The following MMP26 variants were observed in gnomAD, a reference collection of about 807,000 sequenced individuals.
MMP26 encodes the protein matrix metallopeptidase 26.
In MMP26, 33 loss-of-function variants were observed where a neutral mutation model predicts 31.0. That is an observed-to-expected ratio of 1.06 (90% CI 0.81 to 1.42). The LOEUF is 1.42. MMP26 is among the 40% of genes most tolerant of loss of function. The probability of loss-of-function intolerance (pLI) is 0.00; values close to 1 mark genes in which losing one functional copy is unlikely to be tolerated. For synonymous variants in MMP26, 122 were observed against 114.9 expected, an observed-to-expected ratio of 1.06 and a Z score of -0.40; for missense variants, 347 against 316.1, an observed-to-expected ratio of 1.10 and a Z score of -0.74.
chr11:4,814,602 TCAAA>T (rs1355637718), intron 2 of MMP26, among the ~76,000 whole-genome samples: 1 of 152,180 alleles, frequency 6.6e-6, no homozygotes, highest in African/African-American at 2.4e-5. Context: ...GGTGAGATTT[TCAAA>T]CAGTTTCTAC....
intron 2 of MMP26, chr11:4,795,104 G>A (rs928004364): frequency 1.3e-5 from 2 of 152,202 alleles, no homozygotes; most frequent in African/African-American, 4.8e-5. Context: ...TTATGTGTAA[G>A]ACCACCTCAC....
chr11:4,875,589 A>G (rs562167386), intron 2 of MMP26: 2 of 152,154 alleles, frequency 1.3e-5, no homozygotes, highest in South Asian at 2.1e-4. Flanking sequence ...TTCAATGTCA[A>G]TAATTCATGT....
At chr11:4,730,404 A>AAGAGAGAGAGAGAGAGAGAGAGAG (rs59289871) in intron 1 of MMP26, among the ~76,000 whole-genome samples, 228 of 145,010 alleles carry the variant, frequency 1.6e-3, no homozygotes, top group Middle Eastern at 7.0e-3. Flanking sequence ...GTTTCTGGGA[A>AAGAGAGAGAGAGAGAGAGAGAGAG]AGAGAGAGAG....
intron 2 of MMP26, among the ~76,000 whole-genome samples, chr11:4,895,692 G>T (rs1850689698): frequency 1.3e-5 from 2 of 152,214 alleles, no homozygotes; most frequent in South Asian, 4.1e-4. Flanking sequence ...GGTAGCACAA[G>T]GTGGGAGGAT....
intron 2 of MMP26, among the ~76,000 whole-genome samples, chr11:4,896,951 GTC>G: frequency 6.6e-6 from 1 of 152,162 alleles, no homozygotes; most frequent in East Asian, 1.9e-4. Flanking sequence ...ATTGCAAAAT[GTC>G]TCTTTTTCCC....
intron 2 of MMP26, among the ~76,000 whole-genome samples, chr11:4,831,763 A>G (rs888638388): frequency 6.6e-6 from 1 of 152,220 alleles, no homozygotes; most frequent in South Asian, 2.1e-4. Context: ...GCGTGATAGT[A>G]GATTATAACA....
intron 1 of MMP26, chr11:4,711,987 G>T (rs942292190): frequency 2.6e-5 from 4 of 151,806 alleles, no homozygotes; most frequent in East Asian, 3.9e-4. Flanking sequence ...ATAAATCTTT[G>T]TCTTACAGGG....
At chr11:4,830,045 A>T (rs7934231) in intron 2 of MMP26, 14,385 of 152,196 alleles carry the variant, frequency 0.095, 1,126 homozygotes, top group African/African-American at 0.21. Context: ...AAGCAAAATT[A>T]AAACAAAAGT....
intron 2 of MMP26, among the ~76,000 whole-genome samples, chr11:4,895,581 C>A (rs550259427): frequency 2.0e-5 from 3 of 152,260 alleles, no homozygotes; most frequent in African/African-American, 7.2e-5. Context: ...CTGAGATGAA[C>A]AATAGATAGG....
chr11:4,920,969 C>T (rs914676246), intron 2 of MMP26, among the ~76,000 whole-genome samples: 2 of 152,214 alleles, frequency 1.3e-5, no homozygotes, highest in East Asian at 1.9e-4. Context: ...ACTATATGAA[C>T]AAGTGAATAT....
Position 4,845,444 on chromosome 11 carries a change from C to A in MMP26, c.-145+78103C>A, listed in dbSNP as rs530354571. ...TGGAACCATAAAATAACCAGAATAG[C>A]CAAATTATTTAAGTGAAAACTACTA... On this transcript the variant is annotated intron_variant, in intron 2 of 7. Transcript: ENST00000380390. 3.9e-5 allele frequency among the ~76,000 whole-genome samples: 6 copies of A among 152,012 alleles called. No homozygotes were observed. The East Asian group carries it at 9.7e-4, about 24-fold the overall frequency.
chr11:4,767,566 G>T (rs1317964554), intron 2 of MMP26, among the ~76,000 whole-genome samples: 1 of 152,024 alleles, frequency 6.6e-6, no homozygotes, highest in Non-Finnish European at 1.5e-5. Flanking sequence ...AACAGAAAAA[G>T]TTCTCAATGC....
intron 2 of MMP26, among the ~76,000 whole-genome samples, chr11:4,820,994 T>C (rs541615561): frequency 1.6e-4 from 25 of 152,340 alleles, no homozygotes; most frequent in African/African-American, 5.5e-4. Flanking sequence ...TATAATAATA[T>C]TCACATTTCA....
At chr11:4,988,924 G>A (rs1245485078) in intron 3 of MMP26, among the ~76,000 whole-genome samples, 3 of 151,824 alleles carry the variant, frequency 2.0e-5, no homozygotes, top group Non-Finnish European at 2.9e-5. Flanking sequence ...ATAAAACAAA[G>A]GCATAAAAAT....
At chr11:4,714,920 TCACACACACACA>T (rs66913726) in intron 1 of MMP26, among the ~76,000 whole-genome samples, 12 of 141,782 alleles carry the variant, frequency 8.5e-5, no homozygotes, top group East Asian at 2.1e-4. Context: ...TCTCTCTCTC[TCACACACACACA>T]CACACACACA....
Position 4,936,511 on chromosome 11 carries a change from G to T in MMP26, c.-144-51557G>T, listed in dbSNP as rs560126981. On this transcript the variant is annotated intron_variant, in intron 2 of 7. Coordinates refer to ENST00000380390, the MANE Select transcript of MMP26 (RefSeq NM_021801.5). ...TTAAAAGTCTATTTAGGCTGGAAAT[G>T]GTCAGGGAAGGCTTCATAGTGAAAA... is the stretch of plus-strand genomic sequence containing the variant. Among the ~76,000 whole-genome samples the T allele has an allele frequency of 7.2e-5, 11 of 152,196 alleles. No individual in the cohort carries two copies. The East Asian group carries it at 1.9e-3, about 27-fold the overall frequency.
At chr11:4,857,323 T>C (rs190811081) in intron 2 of MMP26, among the ~76,000 whole-genome samples, 14,536 of 151,666 alleles carry the variant, frequency 0.096, 884 homozygotes, top group Middle Eastern at 0.18. Context: ...ATTGATAGAC[T>C]GCTAGCAAGA....
Position 4,705,277 on chromosome 11 carries a change from GA to G in MMP26, c.-217+241del, listed in dbSNP as rs56694198. Among the ~76,000 whole-genome samples, 1,105 of 151,494 alleles carry G rather than the reference GA, an allele frequency of 7.3e-3. 16 individuals carry two copies. Among genetic ancestry groups the G allele is most frequent in the African/African-American group, 0.025 (1,048 of 41,332 alleles). On this transcript the variant is annotated intron_variant, in intron 1 of 7. Transcript: ENST00000380390. ...GTTTGTTCATGCCACAGTAAAAAAA[GA>G]AAAAAAAATTTAAATAAGGAGTTTG...
At chr11:4,842,662 G>A (rs1285449511) in intron 2 of MMP26, among the ~76,000 whole-genome samples, 1 of 152,140 alleles carries the variant, frequency 6.6e-6, no homozygotes, top group Non-Finnish European at 1.5e-5. Flanking sequence ...TGGGGACACA[G>A]AGCCAAAACA....
Sources: allele counts gnomAD v4.1 joint callset (sites outside exome capture counted in the v4.1 genomes callset), GRCh38; gene constraint gnomAD v4.1.1; transcripts MANE v1.5; gene names NCBI Gene and HGNC (gene_info 2026-07-23, HGNC 2026-07-21).